IGSF11: variants seen among roughly 807,000 people sequenced by gnomAD.
IGSF11 encodes the protein CXADR like 1.
IGSF11 carries 22 observed loss-of-function variants against 41.0 expected under a neutral mutation model. The ratio of observed to expected loss-of-function variants is 0.54; its 90% CI spans 0.38 to 0.77. IGSF11 has a LOEUF of 0.77. Ranked by LOEUF, IGSF11 falls within the 30% of genes least tolerant of loss-of-function variation. The probability of loss-of-function intolerance (pLI) is 0.00; values close to 1 mark genes in which losing one functional copy is unlikely to be tolerated. For missense variants in IGSF11, 444 were observed against 530.8 expected, an observed-to-expected ratio of 0.84 and a Z score of 1.61; for synonymous variants, 219 against 201.3, an observed-to-expected ratio of 1.09 and a Z score of -0.74.
At position 119,073,308 on chromosome 3, in the gene IGSF11, A is replaced by C. The variant is rs373645128; in HGVS notation, c.49+31836T>G. On this transcript the variant is annotated intron_variant, in intron 1 of 6. Transcript: ENST00000354673. ...AGACATAAAAGTTCTCCAAGTCCCC[A>C]CCTGACTCAGGAGCCCAGCCGGCTT... 5.5e-4 allele frequency among the ~76,000 whole-genome samples: 84 copies of C among 152,262 alleles called. 1 individual carries two copies. The South Asian group carries it at 7.5e-3, about 14-fold the overall frequency.
At chr3:119,081,475 G>T (rs1227194111) in intron 1 of IGSF11, among the ~76,000 whole-genome samples, 2 of 152,082 alleles carry the variant, frequency 1.3e-5, no homozygotes, top group African/African-American at 4.8e-5. Context: ...ACACTCCTTT[G>T]GTACAGTATT....
At chr3:118,915,359 A>C (rs1940961648) in intron 4 of IGSF11, among the ~76,000 whole-genome samples, 4 of 71,958 alleles carry the variant, frequency 5.6e-5, no homozygotes, top group Non-Finnish European at 9.2e-5. Flanking sequence ...AAACTTTGAA[A>C]AAAATTTAGA....
intron 2 of IGSF11, 49 bp from the exon 3 acceptor site, chr3:118,928,765 G>T: frequency 7.4e-7 from 1 of 1,350,070 alleles, no homozygotes; most frequent in Non-Finnish European, 1.0e-6. Context: ...TCCTCTCCTA[G>T]ACACAAAACA....
At chr3:118,925,620 A>C (rs763323797) in intron 4 of IGSF11, among the ~76,000 whole-genome samples, 1 of 152,098 alleles carries the variant, frequency 6.6e-6, no homozygotes, top group Non-Finnish European at 1.5e-5. Context: ...GTTTGGTGTG[A>C]CCAATTCCTG....
At chr3:118,916,649 T>G (rs1218593164) in intron 4 of IGSF11, among the ~76,000 whole-genome samples, 1 of 151,266 alleles carries the variant, frequency 6.6e-6, no homozygotes, top group African/African-American at 2.4e-5. Flanking sequence ...CTCCCAAACA[T>G]TAATAATGGG....
chr3:119,113,459 A>T (rs1450380873), intron 1 of IGSF11, among the ~76,000 whole-genome samples: 2 of 152,216 alleles, frequency 1.3e-5, no homozygotes, highest in African/African-American at 2.4e-5. Flanking sequence ...GAAGTCCAAA[A>T]CCCAGGATGA....
chr3:118,939,733 T>A lies in IGSF11; in HGVS notation c.53-9458A>T, dbSNP rs892544452. Among the ~76,000 whole-genome samples, 5 of 152,332 alleles carry A rather than the reference T, an allele frequency of 3.3e-5. 1 individual carries two copies. Among genetic ancestry groups the A allele is most frequent in the East Asian group, 1.9e-4 (1 of 5,194 alleles). On this transcript the variant is annotated intron_variant, in intron 1 of 6. Coordinates refer to ENST00000393775, the MANE Select transcript of IGSF11 (RefSeq NM_001015887.3). ...TACTTAGAGAAAAGTAACAGCAGCA[T>A]CTAAATGTGCATATTAGAAAAGAAG...
intron 1 of IGSF11, among the ~76,000 whole-genome samples, chr3:119,080,684 C>G (rs896229419): frequency 6.6e-6 from 1 of 152,160 alleles, no homozygotes; most frequent in African/African-American, 2.4e-5. Context: ...ATTAATGTGA[C>G]TTTCCTACAT....
intron 1 of IGSF11, among the ~76,000 whole-genome samples, chr3:118,952,019 AT>A (rs1944608000): frequency 6.6e-6 from 1 of 152,276 alleles, no homozygotes; most frequent in Admixed American, 6.5e-5. Flanking sequence ...TAAGGTAAAA[AT>A]CTCAATAAAG....
intron 1 of IGSF11, among the ~76,000 whole-genome samples, chr3:119,072,331 C>T (rs1356773270): frequency 6.6e-6 from 1 of 152,216 alleles, no homozygotes; most frequent in Non-Finnish European, 1.5e-5. Context: ...TCAGATCCAG[C>T]TAACTACAAT....
chr3:119,070,664 G>A lies in IGSF11; in HGVS notation c.49+34480C>T, dbSNP rs1204213551. On this transcript the variant is annotated intron_variant, in intron 1 of 6. Coordinates refer to the IGSF11 transcript ENST00000354673. Reference sequence around the variant, plus strand: ...GTTGATGTTTGCTTTGTTTTGGTTTGGGTTTTGGGGTTTTGAATTTTTTTT... The same window carrying A: ...GTTGATGTTTGCTTTGTTTTGGTTTAGGTTTTGGGGTTTTGAATTTTTTTT... Among the ~76,000 whole-genome samples, 5 of 151,906 alleles carry A rather than the reference G, an allele frequency of 3.3e-5. No homozygotes were observed. The East Asian group carries it at 9.6e-4, about 29-fold the overall frequency.
chr3:119,017,851 C>T (rs1399782261), intron 1 of IGSF11, among the ~76,000 whole-genome samples: 1 of 136,190 alleles, frequency 7.3e-6, no homozygotes, highest in East Asian at 2.2e-4. Context: ...GGTGTGATCT[C>T]GGCTCACTGC....
intron 1 of IGSF11, among the ~76,000 whole-genome samples, chr3:119,080,280 A>G (rs1271342481): frequency 1.3e-5 from 2 of 152,020 alleles, no homozygotes; most frequent in Admixed American, 6.6e-5. Context: ...TATGGGAAAC[A>G]TTTTTTCTTT....
At chr3:119,086,283 G>A (rs539955214) in intron 1 of IGSF11, among the ~76,000 whole-genome samples, 108 of 152,260 alleles carry the variant, frequency 7.1e-4, no homozygotes, top group Admixed American at 1.7e-3. Flanking sequence ...TAAGAGAGAA[G>A]GAGAGAAAAT....
chr3:119,100,477 A>G (rs1005239536), intron 1 of IGSF11, among the ~76,000 whole-genome samples: 20 of 152,258 alleles, frequency 1.3e-4, no homozygotes, highest in African/African-American at 4.8e-4. Context: ...AGAGATGATG[A>G]CAATTTGTCA....
At chr3:119,138,915 A>G (rs2077600988) in intron 1 of IGSF11, among the ~76,000 whole-genome samples, 1 of 152,154 alleles carries the variant, frequency 6.6e-6, no homozygotes, top group Admixed American at 6.5e-5. Flanking sequence ...GGTAAAGGAG[A>G]ACAAAAGCAC....
intron 1 of IGSF11, among the ~76,000 whole-genome samples, chr3:118,962,708 T>C (rs186130446): frequency 6.6e-6 from 1 of 151,866 alleles, no homozygotes; most frequent in Admixed American, 6.6e-5. Context: ...GAACAAGAGA[T>C]CATCCAAGTA....
intron 1 of IGSF11, among the ~76,000 whole-genome samples, chr3:119,060,474 C>T (rs1016156258): frequency 1.3e-5 from 2 of 151,938 alleles, no homozygotes; most frequent in African/African-American, 4.8e-5. Context: ...ACATTTCACA[C>T]TTAAATTTAA....
rs182087520 is a variant in IGSF11 at position 119,118,947 on chromosome 3, C to T, written c.-13-13742G>A. On this transcript the variant is annotated intron_variant, in intron 1 of 7. Transcript: ENST00000425327. ...CTTTGCTCCAGTTCCCAACAAGTTC[C>T]TCATCTCCAGCTGAGACCATCTCAG... Among the ~76,000 whole-genome samples the T allele has an allele frequency of 3.6e-3, 545 of 152,320 alleles. 15 individuals carry two copies. The highest frequency in any genetic ancestry group is 4.6e-4 in the Non-Finnish European group (31 of 68,032).
Sources: allele counts gnomAD v4.1 joint callset (sites outside exome capture counted in the v4.1 genomes callset), GRCh38; gene constraint gnomAD v4.1.1; transcripts MANE v1.5; gene names NCBI Gene and HGNC (gene_info 2026-07-23, HGNC 2026-07-21).